The following PRKD1 variants were observed in gnomAD, a reference collection of about 807,000 sequenced individuals.
PRKD1 encodes serine/threonine-protein kinase D1.
In PRKD1, 63 loss-of-function variants were observed where a neutral mutation model predicts 95.9. The ratio of observed to expected loss-of-function variants is 0.66; its 90% CI spans 0.54 to 0.81. PRKD1 has a LOEUF of 0.81. Ranked by LOEUF, PRKD1 falls within the 30% of genes least tolerant of loss-of-function variation. The pLI, the probability that PRKD1 is intolerant of heterozygous loss-of-function variation, is 0.00. For missense variants in PRKD1, 1,048 were observed against 1,165.3 expected (o/e 0.90, Z 1.47); for synonymous variants, 425 against 423.1 (o/e 1.00, Z -0.05).
intron 1 of PRKD1, among the ~76,000 whole-genome samples, chr14:29,875,557 G>A (rs1465397458): frequency 1.3e-5 from 2 of 152,134 alleles, no homozygotes; most frequent in Non-Finnish European, 2.9e-5. Flanking sequence ...AATTTTGACA[G>A]CCTTGACAAA....
chr14:29,577,437 T>C lies in PRKD1; in HGVS notation c.2540A>G (p.Asp847Gly), dbSNP rs371312242. Reference protein sequence around the residue: ...PWLQDYQTWLDLRELECKIGE... With the variant: ...PWLQDYQTWLGLRELECKIGE... The stretch of plus-strand genomic sequence containing the variant: ...GATTTTGCATTCCAGCTCTCGCAAA[T>C]CTAACCAGGTCTGATAGTCCTGAAG... The change falls in exon 18 of 18, where the codon GAT becomes GGT. Residue 847 changes from aspartate to glycine, a missense_variant. Physicochemically the swap from Asp to Gly is moderately conservative, Grantham distance 94. Coordinates refer to ENST00000331968, the MANE Select transcript of PRKD1 (RefSeq NM_002742.3). 1.7e-5 allele frequency: 28 copies of C among 1,613,570 alleles called. No homozygotes were observed. Among genetic ancestry groups the C allele is most frequent in the Non-Finnish European group, 2.2e-5 (26 of 1,179,748 alleles).
chr14:29,696,754 AT>A (rs565458069), intron 2 of PRKD1, among the ~76,000 whole-genome samples: 1 of 151,932 alleles, frequency 6.6e-6, no homozygotes, highest in African/African-American at 2.4e-5. Context: ...AGTCATCTCA[AT>A]TTTTTTTGTT....
At chr14:29,651,461 G>C (rs1217087150) in intron 4 of PRKD1, among the ~76,000 whole-genome samples, 1 of 152,136 alleles carries the variant, frequency 6.6e-6, no homozygotes, top group Non-Finnish European at 1.5e-5. Flanking sequence ...CATCTGATTA[G>C]ATTAAATCAA....
intron 1 of PRKD1, chr14:29,812,123 A>C (rs576713789): frequency 1.3e-5 from 2 of 152,362 alleles, no homozygotes; most frequent in East Asian, 3.9e-4. Flanking sequence ...TCGATATCTT[A>C]GCTATGATAC....
intron 1 of PRKD1, among the ~76,000 whole-genome samples, chr14:29,824,828 TTATATA>T (rs1055601307): frequency 1.3e-5 from 2 of 151,834 alleles, no homozygotes; most frequent in Non-Finnish European, 2.9e-5. Context: ...TATGTCTTAC[TTATATA>T]TATATATTTT....
At chr14:29,671,085 A>G (rs532194606) in intron 2 of PRKD1, among the ~76,000 whole-genome samples, 12 of 152,158 alleles carry the variant, frequency 7.9e-5, no homozygotes, top group African/African-American at 2.4e-4. Context: ...AGAAAAAAAA[A>G]TGTATTTAGA....
In PRKD1 at chr14:29,709,741, A is replaced by C. The variant is rs1030555222; in HGVS notation, c.403+15795T>G. Among the ~76,000 whole-genome samples the C allele has an allele frequency of 9.9e-5, 15 of 152,252 alleles. 1 individual carries two copies. The highest frequency in any genetic ancestry group is 8.3e-4 in the South Asian group (4 of 4,822). On this transcript the variant is annotated intron_variant, in intron 2 of 17. Coordinates refer to ENST00000331968, the MANE Select transcript of PRKD1 (RefSeq NM_002742.3). ...GAGAGAGAGCAAAATTTCCCTAGTC[A>C]TTCTTTTTATTCTATTCAGGCCTTC...
At chr14:29,887,496 A>G (rs959938279) in intron 1 of PRKD1, among the ~76,000 whole-genome samples, 2 of 152,350 alleles carry the variant, frequency 1.3e-5, no homozygotes, top group South Asian at 4.1e-4. Flanking sequence ...ACTGAGCACT[A>G]ATCTATAGAA....
chr14:29,850,308 A>G (rs1419383124), intron 1 of PRKD1, among the ~76,000 whole-genome samples: 1 of 152,190 alleles, frequency 6.6e-6, no homozygotes, highest in African/African-American at 2.4e-5. Flanking sequence ...AGAAAACCCT[A>G]AAGATCCCAT....
intron 2 of PRKD1, among the ~76,000 whole-genome samples, chr14:29,684,102 G>C (rs1441046407): frequency 2.0e-5 from 3 of 151,628 alleles, no homozygotes; most frequent in Non-Finnish European, 4.4e-5. Flanking sequence ...TCTTTTCCAG[G>C]AAGTCTCCCT....
chr14:29,654,082 A>AT lies in PRKD1; in HGVS notation c.696+9616dup, dbSNP rs964552365. ...TAAACTTTTACACTTTTGAATAACT[A>AT]TTTTTTTTTTTAAAAAAGCAGTATA... On this transcript the variant is annotated intron_variant, in intron 4 of 17. Coordinates refer to ENST00000331968, the MANE Select transcript of PRKD1 (RefSeq NM_002742.3). Among the ~76,000 whole-genome samples, 234 of 149,302 alleles carry AT rather than the reference A, an allele frequency of 1.6e-3. 1 individual carries two copies. The East Asian group carries it at 0.03, about 19-fold the overall frequency.
intron 1 of PRKD1, among the ~76,000 whole-genome samples, chr14:29,835,842 T>C (rs1891592049): frequency 6.6e-6 from 1 of 152,190 alleles, no homozygotes; most frequent in South Asian, 2.1e-4. Context: ...GTGCTGGGAT[T>C]ACAGGCGTGA....
At chr14:29,864,044 A>C (rs1892800312) in intron 1 of PRKD1, among the ~76,000 whole-genome samples, 1 of 152,120 alleles carries the variant, frequency 6.6e-6, no homozygotes, top group Admixed American at 6.6e-5. Context: ...TTCAGATGTA[A>C]GGTATCAGTT....
chr14:29,594,254 T>G, intron 16 of PRKD1: 1 of 341,650 alleles, frequency 2.9e-6, no homozygotes, highest in South Asian at 2.2e-5. Context: ...ACTTATAACA[T>G]TTTCTTTTGC....
intron 1 of PRKD1, among the ~76,000 whole-genome samples, chr14:29,897,851 G>T (rs1225671475): frequency 6.6e-6 from 1 of 151,972 alleles, no homozygotes; most frequent in African/African-American, 2.4e-5. Context: ...TTTGATAAAA[G>T]ATAAAACTCA....
intron 1 of PRKD1, among the ~76,000 whole-genome samples, chr14:29,771,978 T>C (rs139057827): frequency 6.6e-6 from 1 of 152,228 alleles, no homozygotes; most frequent in African/African-American, 2.4e-5. Context: ...ATTTTCAAAA[T>C]GCATAATTTG....
intron 1 of PRKD1, among the ~76,000 whole-genome samples, chr14:29,836,030 G>T (rs1161662126): frequency 1.3e-5 from 2 of 152,160 alleles, no homozygotes; most frequent in Admixed American, 6.5e-5. Flanking sequence ...AGTATCATGG[G>T]AGATCAGAAG....
chr14:29,597,682 G>A lies in PRKD1; in HGVS notation c.2243C>T (p.Ala748Val). Residue 748 changes from alanine to valine, a missense_variant, in exon 16 of 18, where the codon GCT becomes GTT. Physicochemically the swap from Ala to Val is moderately conservative, Grantham distance 64 (BLOSUM62 0). Coordinates refer to ENST00000331968, the MANE Select transcript of PRKD1 (RefSeq NM_002742.3). ...CCTTAGGACCTCAGGAGCCAGGTAA[G>A]CGGGGGTACCCACCACTGACCTCCG... ...SFRRSVVGTP[A>V]YLAPEVLRNK... The A allele has an allele frequency of 1.9e-6, 3 of 1,614,002 alleles. No homozygotes were observed. Among genetic ancestry groups the A allele is most frequent in the Non-Finnish European group, 2.5e-6 (3 of 1,179,944 alleles).
intron 4 of PRKD1, among the ~76,000 whole-genome samples, chr14:29,648,185 A>C (rs1881253780): frequency 9.0e-6 from 1 of 111,492 alleles, no homozygotes; most frequent in Admixed American, 8.1e-5. Flanking sequence ...CCTTACAGCT[A>C]AACTTTTATG....
Sources: allele counts gnomAD v4.1 joint callset (sites outside exome capture counted in the v4.1 genomes callset), GRCh38; gene constraint gnomAD v4.1.1; transcripts MANE v1.5; gene names NCBI Gene and HGNC (gene_info 2026-07-23, HGNC 2026-07-21).